TCP11L1: variants seen among roughly 807,000 people sequenced by gnomAD.
TCP11L1 encodes t-complex 11 like 1.
Under a neutral mutation model 48.9 loss-of-function variants are expected in TCP11L1, and 28 were observed. The ratio of observed to expected loss-of-function variants is 0.57; its 90% CI spans 0.42 to 0.78. The LOEUF is 0.78. Among genes scored for constraint, TCP11L1 ranks in the 30% least tolerant of loss-of-function variants. The pLI, the probability that TCP11L1 is intolerant of heterozygous loss-of-function variation, is 0.00. For synonymous variants in TCP11L1, 204 were observed against 231.9 expected (o/e 0.88, Z 1.09); for missense variants, 505 against 613.4 (o/e 0.82, Z 1.87).
At chr11:33,054,769 T>C in intron 3 of TCP11L1, 44 bp downstream of exon 3, 1 of 1,562,168 alleles carries the variant, frequency 6.4e-7, no homozygotes. Flanking sequence ...AACACTGTCA[T>C]TTCCCAGTTT....
chr11:33,053,402 C>T (rs185647706), intron 2 of TCP11L1, among the ~76,000 whole-genome samples: 11 of 152,302 alleles, frequency 7.2e-5, no homozygotes, highest in Non-Finnish European at 1.5e-4. Context: ...GCCTTGATCT[C>T]CCAAAGTGCT....
chr11:33,054,501 A>G (rs1590228613), intron 2 of TCP11L1, 92 bp from the exon 3 acceptor site: 3 of 1,460,894 alleles, frequency 2.1e-6, no homozygotes, highest in African/African-American at 1.4e-5. Context: ...AATAACTGAA[A>G]TTATTGTCTG....
intron 2 of TCP11L1, among the ~76,000 whole-genome samples, chr11:33,052,452 G>C (rs1458928219): frequency 6.7e-6 from 1 of 150,074 alleles, no homozygotes; most frequent in Non-Finnish European, 1.5e-5. Context: ...GATATGACCA[G>C]CTCTTCGATT....
Position 33,073,457 on chromosome 11 carries a change from A to G in TCP11L1, c.*781A>G, listed in dbSNP as rs918251000. ...AGTCAAGGAGGAAATGTATTGAAAA[A>G]TAGTTTACTGTAATGTGAACGAAGA... On this transcript the variant is annotated 3_prime_UTR_variant, in exon 10 of 10. Transcript: ENST00000334274. 1 of 147,600 alleles carries G rather than the reference A, an allele frequency of 6.8e-6. No homozygotes were observed. The highest frequency in any genetic ancestry group is 2.4e-5 in the African/African-American group (1 of 41,134). 9.1% of individuals were successfully genotyped at this position (147,600 alleles called of 1,614,324 possible).
chr11:33,057,037 T>A, intron 3 of TCP11L1, 78 bp from the exon 4 acceptor site: 1 of 1,596,736 alleles, frequency 6.3e-7, no homozygotes, highest in South Asian at 1.1e-5. Flanking sequence ...AAACCCATAG[T>A]ATTTGTGCTT....
At position 33,066,107 on chromosome 11, in the gene TCP11L1, G is replaced by A. The variant is rs553536563; in HGVS notation, c.1154+96G>A. The A allele has an allele frequency of 4.7e-5, 69 of 1,473,336 alleles. No individual in the cohort carries two copies. In the African/African-American group the frequency reaches 8.1e-4, roughly 17 times the overall value. The allele number at this position is 1,473,336 out of a possible 1,614,324, so 91.3% of individuals were successfully genotyped here. A position where few individuals can be genotyped will look rare whatever the true frequency, so the allele number is the denominator to read the frequency against. On this transcript the variant is annotated intron_variant, in intron 8 of 9. Coordinates refer to ENST00000334274, the MANE Select transcript of TCP11L1 (RefSeq NM_018393.4). The stretch of plus-strand genomic sequence containing the variant: ...GTCTCCCACTGTAAGGCAGAGCCCA[G>A]GGCCACTCTCTAGGAACTGAGAAGA...
intron 8 of TCP11L1, among the ~76,000 whole-genome samples, chr11:33,066,841 A>G (rs1854634413): frequency 6.6e-6 from 1 of 152,194 alleles, no homozygotes; most frequent in African/African-American, 2.4e-5. Flanking sequence ...GACCTGCAGT[A>G]AGAAATTCAT....
chr11:33,066,019 G>C lies in TCP11L1; in HGVS notation c.1154+8G>C. 2 of 1,613,694 alleles carry C rather than the reference G, an allele frequency of 1.2e-6. No homozygotes were observed. Among genetic ancestry groups the C allele is most frequent in the Non-Finnish European group, 1.7e-6 (2 of 1,179,690 alleles). ...AACAGATATGCACCTGCCGTAAGTG[G>C]AACTTTGATGCGTGGATGGGACGCA... On this transcript the variant is annotated splice_region_variant and intron_variant, in intron 8 of 9. Transcript: ENST00000334274.
rs1308193719 is a variant in TCP11L1, at chr11:33,057,026, TA to T, written c.297-86del. ...CAAATCACTGGGATTGATCTTACCC[TA>T]AACCCATAGTATTTGTGCTTTTGAA... On this transcript the variant is annotated intron_variant, in intron 3 of 9. Transcript: ENST00000334274. The T allele has an allele frequency of 5.1e-6, 8 of 1,573,198 alleles. 1 individual carries two copies. The Admixed American group carries it at 1.2e-4, about 24-fold the overall frequency.
At chr11:33,064,730 A>G (rs572047794) in intron 7 of TCP11L1, among the ~76,000 whole-genome samples, 3 of 152,346 alleles carry the variant, frequency 2.0e-5, no homozygotes, top group South Asian at 4.1e-4. Flanking sequence ...ACCAAGATGA[A>G]TAAGTGTAGG....
chr11:33,071,840 AT>A (rs113959970), intron 9 of TCP11L1, among the ~76,000 whole-genome samples: 3 of 150,788 alleles, frequency 2.0e-5, no homozygotes, highest in Admixed American at 6.6e-5. Flanking sequence ...GCATTCATTC[AT>A]TTTTTTTGTT....
In TCP11L1 at chr11:33,057,192, C is replaced by G; in HGVS notation, c.374C>G (p.Pro125Arg). 6.2e-7 allele frequency: 1 copy of G among 1,614,040 alleles called. No homozygotes were observed. Among genetic ancestry groups the G allele is most frequent in the Non-Finnish European group, 8.5e-7 (1 of 1,180,000 alleles). ...CLSVQLSEDP[P>R]AYDHAIKLVG... ...AGTGTGCAGCTAAGTGAAGATCCCC[C>G]AGCATATGACCATGCTATCAAACTT... The change falls in exon 4 of 10, where the codon CCA becomes CGA. Residue 125 changes from proline (P) to arginine (R), a missense_variant. This residue lies in a region of TCP11L1 where 168 missense variants were observed against 183.5 expected (regional missense o/e 0.92). Coordinates refer to ENST00000334274, the MANE Select transcript of TCP11L1 (RefSeq NM_018393.4).
chr11:33,066,347 T>C (rs548025803), intron 8 of TCP11L1, among the ~76,000 whole-genome samples: 51 of 152,276 alleles, frequency 3.3e-4, no homozygotes, highest in African/African-American at 1.1e-3. Flanking sequence ...ATTGAAGGAT[T>C]TGAAGCAAGA....
At chr11:33,050,292 T>G (rs1854120418) in intron 2 of TCP11L1, among the ~76,000 whole-genome samples, 1 of 152,216 alleles carries the variant, frequency 6.6e-6, no homozygotes. Context: ...CACAATTTTT[T>G]GCAAAAGCAA....
chr11:33,072,696 A>G lies in TCP11L1; in HGVS notation c.*20A>G. On this transcript the variant is annotated 3_prime_UTR_variant, in exon 10 of 10. Coordinates refer to ENST00000334274, the MANE Select transcript of TCP11L1 (RefSeq NM_018393.4). ...TCCTAACGTGTATGCACCCTACAGC[A>G]GCAGTATTACTCACTAGCCACAGAA... The G allele has an allele frequency of 1.9e-6, 3 of 1,613,772 alleles. No individual in the cohort carries two copies. Among genetic ancestry groups the G allele is most frequent in the Non-Finnish European group, 2.5e-6 (3 of 1,179,722 alleles).
chr11:33,046,646 T>C (rs1854002909), intron 2 of TCP11L1, among the ~76,000 whole-genome samples: 1 of 152,216 alleles, frequency 6.6e-6, no homozygotes, highest in Non-Finnish European at 1.5e-5. Context: ...ATTTCTCCTG[T>C]AGTGCTAGGT....
intron 7 of TCP11L1, among the ~76,000 whole-genome samples, chr11:33,063,115 T>C (rs902010798): frequency 6.6e-6 from 1 of 152,218 alleles, no homozygotes; most frequent in African/African-American, 2.4e-5. Flanking sequence ...TCCTCCCTCC[T>C]TGGCCTCCCA....
chr11:33,065,737 C>A, intron 7 of TCP11L1, 93 bp from the exon 8 acceptor site: 2 of 1,388,966 alleles, frequency 1.4e-6, no homozygotes, highest in Admixed American at 2.0e-5. Context: ...CTGAGGGAAG[C>A]TGCAGAGGCA....
Position 33,043,733 on chromosome 11 carries a change from GTT to G in TCP11L1, c.-24-11_-24-10del. ...AGAATACTTTTAGTTCTTTTTTTTT[GTT>G]TTTTTCTTTCCTAGGAAAGTGAATA... On this transcript the variant is annotated splice_polypyrimidine_tract_variant and intron_variant, in intron 1 of 9. Transcript: ENST00000334274. 1 of 1,550,286 alleles carries G rather than the reference GTT, an allele frequency of 6.5e-7. No homozygotes were observed. The highest frequency in any genetic ancestry group is 1.2e-5 in the South Asian group (1 of 81,800).
Sources: gnomAD v4.1 joint callset for allele counts (sites outside exome capture counted in the v4.1 genomes callset) on GRCh38, gnomAD v4.1.1 for gene constraint, gnomAD v4.1.1 regional missense constraint, MANE v1.5 for transcripts, NCBI Gene and HGNC (gene_info 2026-07-23, HGNC 2026-07-21) for gene names.